FAM135A: variants seen among roughly 807,000 people sequenced by gnomAD.
The protein encoded by FAM135A is protein FAM135A.
FAM135A carries 79 observed loss-of-function variants against 146.8 expected under a neutral mutation model. The ratio of observed to expected loss-of-function variants is 0.54; its 90% CI spans 0.45 to 0.65. The LOEUF is 0.65. Ranked by LOEUF, FAM135A falls within the 30% of genes least tolerant of loss-of-function variation. The probability of loss-of-function intolerance (pLI) is 0.00; values close to 1 mark genes in which losing one functional copy is unlikely to be tolerated. For missense variants in FAM135A, 1,623 were observed against 1,758.2 expected (o/e 0.92, Z 1.38); for synonymous variants, 562 against 603.6 (o/e 0.93, Z 1.01).
intron 10 of FAM135A, among the ~76,000 whole-genome samples, chr6:70,483,541 TA>T (rs1289342888): frequency 6.6e-6 from 1 of 152,222 alleles, no homozygotes; most frequent in Non-Finnish European, 1.5e-5. Context: ...TGTAAATTTT[TA>T]AAAATCTTCT....
chr6:70,479,379 G>A (rs181487894), intron 8 of FAM135A, among the ~76,000 whole-genome samples: 35 of 152,282 alleles, frequency 2.3e-4, no homozygotes, highest in Admixed American at 3.3e-4. Flanking sequence ...CAGAAGCCAG[G>A]AGGATTAACT....
At chr6:70,456,929 T>C (rs1292827343) in intron 5 of FAM135A, among the ~76,000 whole-genome samples, 1 of 152,126 alleles carries the variant, frequency 6.6e-6, no homozygotes, top group African/African-American at 2.4e-5. Flanking sequence ...TTTTCAGGCG[T>C]GGTAGTGGCA....
chr6:70,493,220 G>A (rs958904749), intron 11 of FAM135A, among the ~76,000 whole-genome samples: 7 of 151,784 alleles, frequency 4.6e-5, no homozygotes, highest in Admixed American at 4.6e-4. Flanking sequence ...TGAATAATAT[G>A]ATTTCATATA....
chr6:70,422,795 A>C (rs192154528), intron 2 of FAM135A, among the ~76,000 whole-genome samples: 94 of 152,322 alleles, frequency 6.2e-4, no homozygotes, highest in African/African-American at 2.2e-3. Context: ...TTTTCCTTAA[A>C]TATTAAGTTG....
At chr6:70,532,160 G>A (rs766009884) in intron 16 of FAM135A, among the ~76,000 whole-genome samples, 2 of 152,022 alleles carry the variant, frequency 1.3e-5, no homozygotes, top group Non-Finnish European at 2.9e-5. Flanking sequence ...ACAGGCGTGA[G>A]CCACCGTGCC....
chr6:70,456,116 T>A (rs898055251), intron 5 of FAM135A, among the ~76,000 whole-genome samples: 2 of 152,222 alleles, frequency 1.3e-5, no homozygotes, highest in African/African-American at 2.4e-5. Flanking sequence ...GCGCCCATCC[T>A]GAATATTAAT....
At chr6:70,439,411 A>C (rs866316151) in intron 4 of FAM135A, among the ~76,000 whole-genome samples, 1 of 152,164 alleles carries the variant, frequency 6.6e-6, no homozygotes, top group Non-Finnish European at 1.5e-5. Context: ...TCTAATATTA[A>C]TATTATAACA....
chr6:70,481,161 C>G (rs1380559894), intron 9 of FAM135A, 134 bp downstream of exon 9: 2 of 837,204 alleles, frequency 2.4e-6, no homozygotes, highest in Non-Finnish European at 3.4e-6. Flanking sequence ...TAAATATGAT[C>G]TTAAAAATTG....
intron 20 of FAM135A, among the ~76,000 whole-genome samples, chr6:70,539,771 G>A (rs866594453): frequency 3.9e-5 from 6 of 152,184 alleles, no homozygotes; most frequent in Non-Finnish European, 8.8e-5. Flanking sequence ...TGAGGCGGGC[G>A]GATCACGAGG....
chr6:70,455,344 A>G (rs1778094342), intron 5 of FAM135A, among the ~76,000 whole-genome samples: 1 of 151,978 alleles, frequency 6.6e-6, no homozygotes, highest in Non-Finnish European at 1.5e-5. Context: ...CCTGAAGACT[A>G]TTAAAATGCT....
At chr6:70,449,753 A>G (rs1562442068) in intron 4 of FAM135A, among the ~76,000 whole-genome samples, 1 of 152,066 alleles carries the variant, frequency 6.6e-6, no homozygotes, top group Non-Finnish European at 1.5e-5. Context: ...TAATATACTG[A>G]TTTCAGTTCT....
chr6:70,557,105 A>G, intron 21 of FAM135A: 1 of 558,380 alleles, frequency 1.8e-6, no homozygotes, highest in Non-Finnish European at 3.2e-6. Flanking sequence ...CCTCAGAAGT[A>G]GTTCATACTT....
chr6:70,445,181 T>G (rs1330988269), intron 4 of FAM135A, among the ~76,000 whole-genome samples: 1 of 152,242 alleles, frequency 6.6e-6, no homozygotes, highest in Non-Finnish European at 1.5e-5. Context: ...TCTGGCTTGT[T>G]GCTGGGCCAA....
chr6:70,446,980 G>A (rs550162975), intron 4 of FAM135A, among the ~76,000 whole-genome samples: 34 of 152,364 alleles, frequency 2.2e-4, no homozygotes, highest in Admixed American at 3.9e-4. Flanking sequence ...GTTATAATTG[G>A]TTGAATAGTC....
At chr6:70,416,344 C>A (rs1767573818) in intron 2 of FAM135A, among the ~76,000 whole-genome samples, 1 of 152,192 alleles carries the variant, frequency 6.6e-6, no homozygotes, top group Admixed American at 6.5e-5. Flanking sequence ...GTAAGAGTTA[C>A]ACCTATATCT....
At chr6:70,527,285 A>G (rs1001785408) in intron 15 of FAM135A, among the ~76,000 whole-genome samples, 2 of 152,130 alleles carry the variant, frequency 1.3e-5, no homozygotes, top group Admixed American at 1.3e-4. Flanking sequence ...CAGGTTTACC[A>G]GCGTGCACTG....
chr6:70,553,667 T>C (rs1425286531), intron 20 of FAM135A, among the ~76,000 whole-genome samples: 1 of 151,912 alleles, frequency 6.6e-6, no homozygotes, highest in Non-Finnish European at 1.5e-5. Flanking sequence ...TGTGAAATTT[T>C]CTAAACGTTA....
intron 5 of FAM135A, among the ~76,000 whole-genome samples, chr6:70,455,045 A>G (rs1228260689): frequency 6.6e-6 from 1 of 152,134 alleles, no homozygotes; most frequent in Non-Finnish European, 1.5e-5. Flanking sequence ...CACAATATTG[A>G]TTCTTCCTAT....
At chr6:70,472,144 G>C (rs1016274537) in intron 5 of FAM135A, among the ~76,000 whole-genome samples, 2 of 152,138 alleles carry the variant, frequency 1.3e-5, no homozygotes, top group Non-Finnish European at 2.9e-5. Flanking sequence ...TCCAGACCCA[G>C]TGGTAGAAGT....
Sources: gnomAD v4.1 joint callset for allele counts (sites outside exome capture counted in the v4.1 genomes callset) on GRCh38, gnomAD v4.1.1 for gene constraint, MANE v1.5 for transcripts, NCBI Gene and HGNC (gene_info 2026-07-23, HGNC 2026-07-21) for gene names.